DOCK5: variants seen among roughly 807,000 people sequenced by gnomAD.
DOCK5 encodes the protein dedicator of cytokinesis 5, also known as dedicator of cytokinesis protein 5.
A neutral mutation model predicts 251.8 loss-of-function variants in DOCK5; 142 were observed. The observed-to-expected ratio is 0.56, with a 90% CI of 0.49 to 0.65. DOCK5 has a LOEUF of 0.65. Ranked by LOEUF, DOCK5 falls within the 30% of genes least tolerant of loss-of-function variation. The pLI is 0.00. For synonymous variants in DOCK5, 842 were observed against 835.5 expected (o/e 1.01, Z -0.13); for missense variants, 2,111 against 2,312.3 (o/e 0.91, Z 1.79).
chr8:25,297,912 C>T (rs1804659680), intron 7 of DOCK5, among the ~76,000 whole-genome samples: 1 of 151,988 alleles, frequency 6.6e-6, no homozygotes, highest in Admixed American at 6.6e-5. Flanking sequence ...AAAAAATTAG[C>T]TGGACGTGGT....
intron 45 of DOCK5, 43 bp downstream of exon 45, chr8:25,395,762 G>T (rs1462241057): frequency 1.3e-6 from 2 of 1,581,742 alleles, no homozygotes; most frequent in Admixed American, 3.6e-5. Flanking sequence ...ACAGACCTGG[G>T]TGTCTGTGTG....
At chr8:25,291,762 T>C (rs1001451955) in intron 5 of DOCK5, among the ~76,000 whole-genome samples, 1 of 137,226 alleles carries the variant, frequency 7.3e-6, no homozygotes, top group Non-Finnish European at 1.5e-5. Flanking sequence ...CCGAGGCGGG[T>C]AGATCCATGG....
intron 1 of DOCK5, among the ~76,000 whole-genome samples, chr8:25,214,435 T>C (rs1802180491): frequency 6.6e-6 from 1 of 152,134 alleles, no homozygotes. Context: ...TCTGAGCACC[T>C]TTGAAAAAGG....
chr8:25,269,977 A>G (rs935088996), intron 3 of DOCK5, among the ~76,000 whole-genome samples: 3 of 152,236 alleles, frequency 2.0e-5, no homozygotes, highest in African/African-American at 4.8e-5. Flanking sequence ...ACACCTTTCT[A>G]CAAGGTATAG....
rs148687062 is a variant in DOCK5, at chr8:25,403,712, C to G, written c.5081C>G (p.Pro1694Arg). 4.3e-6 allele frequency: 7 copies of G among 1,613,688 alleles called. No homozygotes were observed. The African/African-American group carries it at 8.0e-5, about 18-fold the overall frequency. The change falls in exon 48 of 52, where the codon CCG becomes CGG. Residue 1694 changes from proline to arginine, a missense_variant. Transcript: ENST00000276440. Reference protein sequence around the residue: ...SNSSDNAPSRPGSDGSILEPL... With the variant: ...SNSSDNAPSRRGSDGSILEPL... ...TCGTCTGACAATGCTCCTTCCAGAC[C>G]GGGATCTGATGGGTAAGGGTTTCAT...
Position 25,328,207 on chromosome 8 carries a change from TA to T in DOCK5, c.1903+2669del, listed in dbSNP as rs1021262791. 5.3e-5 allele frequency among the ~76,000 whole-genome samples: 8 copies of T among 150,436 alleles called. No homozygotes were observed. The South Asian group carries it at 8.4e-4, about 16-fold the overall frequency. On this transcript the variant is annotated intron_variant, in intron 18 of 51. Coordinates refer to ENST00000276440, the MANE Select transcript of DOCK5 (RefSeq NM_024940.8). ...TCATCCTTATTCCTGATGTTTTGAT[TA>T]AAAAAAAAGACAAACTCATCATAAC...
At chr8:25,342,874 T>A (rs1300900515) in intron 25 of DOCK5, among the ~76,000 whole-genome samples, 3 of 151,048 alleles carry the variant, frequency 2.0e-5, no homozygotes, top group South Asian at 2.1e-4. Flanking sequence ...AATTTTTTTT[T>A]ATTTTTATTT....
intron 9 of DOCK5, 46 bp from the exon 10 acceptor site, chr8:25,302,279 C>T (rs773100331): frequency 1.3e-6 from 2 of 1,546,314 alleles, no homozygotes; most frequent in East Asian, 2.3e-5. Context: ...ACAGGTGACA[C>T]AGTGGTCCAG....
chr8:25,341,933 G>A (rs1805965525), intron 24 of DOCK5, 124 bp downstream of exon 24: 2 of 772,740 alleles, frequency 2.6e-6, no homozygotes, highest in Admixed American at 2.9e-5. Context: ...ATACCTTTTT[G>A]TGCTCAGTTC....
intron 1 of DOCK5, among the ~76,000 whole-genome samples, chr8:25,223,333 T>C (rs1179497510): frequency 5.3e-5 from 8 of 152,180 alleles, no homozygotes; most frequent in Non-Finnish European, 8.8e-5. Context: ...TATTTATTAA[T>C]AGACAGGTTT....
At position 25,392,798 on chromosome 8, in the gene DOCK5, G is replaced by A. The variant is rs144001998; in HGVS notation, c.4443G>A (p.Thr1481=). 6 of 1,612,180 alleles carry A rather than the reference G, an allele frequency of 3.7e-6. No homozygotes were observed. Among genetic ancestry groups the A allele is most frequent in the East Asian group, 4.5e-5 (2 of 44,856 alleles). ...CATGTTTTCCTTCTTGCCACCAGAC[G>A]ATGTGGATTGAACGGACCACGTATA... ...GEKDPDNEFA[T]MWIERTTYTT... The change falls in exon 44 of 52, where the codon ACG becomes ACA. Residue 1481 remains threonine, a splice_region_variant and synonymous_variant. Coordinates refer to ENST00000276440, the MANE Select transcript of DOCK5 (RefSeq NM_024940.8).
At chr8:25,248,417 T>C (rs546118488) in intron 2 of DOCK5, among the ~76,000 whole-genome samples, 38 of 152,272 alleles carry the variant, frequency 2.5e-4, no homozygotes, top group South Asian at 1.0e-3. Flanking sequence ...ACACCGACAG[T>C]CCTGCCGGGT....
intron 1 of DOCK5, among the ~76,000 whole-genome samples, chr8:25,203,832 G>A (rs962002114): frequency 6.6e-6 from 1 of 152,048 alleles, no homozygotes; most frequent in African/African-American, 2.4e-5. Flanking sequence ...TAGGACTTGA[G>A]GTACAAAATC....
chr8:25,263,618 C>T (rs946384605), intron 2 of DOCK5, among the ~76,000 whole-genome samples: 7 of 151,734 alleles, frequency 4.6e-5, no homozygotes, highest in African/African-American at 1.7e-4. Context: ...ACACCCCCCT[C>T]ACCCCGTTTT....
At chr8:25,292,963 T>C (rs902648960) in intron 6 of DOCK5, among the ~76,000 whole-genome samples, 1 of 152,194 alleles carries the variant, frequency 6.6e-6, no homozygotes, top group Non-Finnish European at 1.5e-5. Context: ...CTGTTGATTA[T>C]GGCTACAATC....
intron 1 of DOCK5, among the ~76,000 whole-genome samples, chr8:25,186,624 C>T (rs1801437975): frequency 6.6e-6 from 1 of 152,128 alleles, no homozygotes; most frequent in Non-Finnish European, 1.5e-5. Flanking sequence ...GGTGATCCGC[C>T]TGCCTCGGCC....
At chr8:25,222,399 G>A (rs1020038262) in intron 1 of DOCK5, among the ~76,000 whole-genome samples, 22 of 152,220 alleles carry the variant, frequency 1.4e-4, no homozygotes, top group Admixed American at 1.3e-3. Context: ...TCTAGGCTGG[G>A]GGGATATGAG....
At chr8:25,255,334 A>G (rs1225758433) in intron 2 of DOCK5, among the ~76,000 whole-genome samples, 1 of 152,224 alleles carries the variant, frequency 6.6e-6, no homozygotes, top group Admixed American at 6.5e-5. Context: ...ATGGATAAAC[A>G]CAGTGTTACA....
chr8:25,294,622 C>T (rs1322034746), intron 6 of DOCK5, among the ~76,000 whole-genome samples: 1 of 152,164 alleles, frequency 6.6e-6, no homozygotes, highest in African/African-American at 2.4e-5. Context: ...CAACTTCACA[C>T]ACAGCCAGGT....
Sources: gnomAD v4.1 joint callset for allele counts (sites outside exome capture counted in the v4.1 genomes callset) on GRCh38, gnomAD v4.1.1 for gene constraint, MANE v1.5 for transcripts, NCBI Gene and HGNC (gene_info 2026-07-23, HGNC 2026-07-21) for gene names.